The following CERS5 variants were observed in gnomAD, a reference collection of about 807,000 sequenced individuals.
The protein encoded by CERS5 is LAG1 homolog, ceramide synthase 5.
In CERS5, 37 loss-of-function variants were observed where a neutral mutation model predicts 58.9. The observed-to-expected ratio is 0.63, with a 90% CI of 0.48 to 0.83. The LOEUF (loss-of-function observed/expected upper bound fraction) is 0.83. CERS5 is among the 40% of genes least tolerant of loss of function. The pLI, the probability that CERS5 is intolerant of heterozygous loss-of-function variation, is 0.00. For synonymous variants in CERS5, 147 were observed against 177.8 expected, an observed-to-expected ratio of 0.83 and a Z score of 1.38; for missense variants, 398 against 489.3, an observed-to-expected ratio of 0.81 and a Z score of 1.76.
intron 1 of CERS5, among the ~76,000 whole-genome samples, chr12:50,161,425 T>A (rs916098754): frequency 6.6e-6 from 1 of 152,154 alleles, no homozygotes; most frequent in Non-Finnish European, 1.5e-5. Context: ...ATAGAGACTA[T>A]GTATCTAGGC....
intron 9 of CERS5, chr12:50,133,469 A>G: frequency 1.0e-6 from 1 of 995,428 alleles, no homozygotes; most frequent in South Asian, 4.5e-5. Flanking sequence ...AGTTCCTTAT[A>G]TAAACCATAT....
Position 50,135,309 on chromosome 12 carries a change from GT to G in CERS5, c.872+422del, listed in dbSNP as rs1379335619. 52 of 10,544 alleles carry G rather than the reference GT, an allele frequency of 4.9e-3. 1 individual carries two copies. The East Asian group carries it at 0.16, about 32-fold the overall frequency. 0.7% of individuals were successfully genotyped at this position (10,544 alleles called of 1,614,324 possible). A position where few individuals can be genotyped will look rare whatever the true frequency, so the allele number is the denominator to read the frequency against. The stretch of plus-strand genomic sequence containing the variant: ...GAGAGGGAGGAAGAGAGAGAGAGGA[GT>G]GTGTGTGTGTGTGTGTGTGTGTGTG... On this transcript the variant is annotated intron_variant, in intron 8 of 9. Transcript: ENST00000317551.
intron 1 of CERS5, among the ~76,000 whole-genome samples, chr12:50,154,979 G>A (rs939057174): frequency 6.6e-6 from 1 of 152,094 alleles, no homozygotes; most frequent in Admixed American, 6.6e-5. Context: ...TGCCTCAGCT[G>A]CCCAAGTAGC....
chr12:50,131,484 C>T (rs958132519), intron 9 of CERS5, among the ~76,000 whole-genome samples: 4 of 146,802 alleles, frequency 2.7e-5, no homozygotes, highest in African/African-American at 5.0e-5. Context: ...TCTTGAACCC[C>T]GGAGGTGGAG....
At chr12:50,161,784 G>GAAAAAAAAAAAAAAAAAAAAAAAAAAAA (rs374177550) in intron 1 of CERS5, among the ~76,000 whole-genome samples, 3 of 90,884 alleles carry the variant, frequency 3.3e-5, no homozygotes, top group Non-Finnish European at 1.9e-5. Flanking sequence ...CTCAAAAAAA[G>GAAAAAAAAAAAAAAAAAAAAAAAAAAAA]AAAAAAAAAA....
intron 1 of CERS5, chr12:50,154,021 C>T (rs1293119787): frequency 2.3e-5 from 6 of 264,752 alleles, no homozygotes; most frequent in Non-Finnish European, 7.7e-6. Context: ...ATGAAAAGCT[C>T]ATTAATATGG....
intron 1 of CERS5, among the ~76,000 whole-genome samples, chr12:50,156,263 G>T (rs1938604810): frequency 2.0e-5 from 3 of 149,552 alleles, no homozygotes; most frequent in Admixed American, 1.3e-4. Context: ...AATTAGCCGG[G>T]TGTGGCAGCG....
At chr12:50,141,744 GC>G (rs1951978958) in intron 4 of CERS5, among the ~76,000 whole-genome samples, 1 of 151,902 alleles carries the variant, frequency 6.6e-6, no homozygotes, top group African/African-American at 2.4e-5. Context: ...TTCAAGACCA[GC>G]CTGGCCAACA....
At chr12:50,152,638 G>A (rs1254608695) in intron 1 of CERS5, among the ~76,000 whole-genome samples, 4 of 152,086 alleles carry the variant, frequency 2.6e-5, no homozygotes, top group Non-Finnish European at 5.9e-5. Flanking sequence ...CAAAGTATAT[G>A]GCTCCCAAGG....
intron 9 of CERS5, chr12:50,133,177 A>G (rs1403225473): frequency 3.3e-6 from 4 of 1,205,848 alleles, no homozygotes; most frequent in Non-Finnish European, 3.2e-6. Flanking sequence ...ATAATGATGC[A>G]GGAGATCATC....
intron 9 of CERS5, chr12:50,133,221 G>A: frequency 8.7e-7 from 1 of 1,149,876 alleles, no homozygotes; most frequent in Non-Finnish European, 1.1e-6. Flanking sequence ...CTTGGTCCTA[G>A]TATCAGTACC....
chr12:50,142,162 T>G, intron 3 of CERS5, 52 bp from the exon 4 acceptor site: 1 of 1,280,372 alleles, frequency 7.8e-7, no homozygotes, highest in Non-Finnish European at 1.1e-6. Flanking sequence ...AACCAAAGCC[T>G]CTGAGGCTAC....
intron 1 of CERS5, among the ~76,000 whole-genome samples, chr12:50,148,946 A>ATATATATATATATATATATATATGTG (rs1420401358): frequency 1.9e-5 from 2 of 103,152 alleles, no homozygotes; most frequent in African/African-American, 4.0e-5. Flanking sequence ...ATATATATAT[A>ATATATATATATATATATATATATGTG]TGTGTGTGTG....
Position 50,167,196 on chromosome 12 carries a change from C to T in CERS5, c.102G>A (p.Gly34=). 1 of 1,606,442 alleles carries T rather than the reference C, an allele frequency of 6.2e-7. No homozygotes were observed. The highest frequency in any genetic ancestry group is 8.5e-7 in the Non-Finnish European group (1 of 1,178,000). ...GGGGGTAACCGTAGCCGTCGGCCGGCCCCTCCAGATCAGCCCAGCTCACGT... is the reference window on the plus strand; with the variant it reads ...GGGGGTAACCGTAGCCGTCGGCCGGTCCCTCCAGATCAGCCCAGCTCACGT... ...PENVSWADLE[G]PADGYGYPRG... Residue 34 remains glycine (G), a synonymous_variant, in exon 1 of 10, where the codon GGG becomes GGA. Coordinates refer to ENST00000317551, the MANE Select transcript of CERS5 (RefSeq NM_147190.5).
At chr12:50,145,661 G>A (rs1041401036) in intron 1 of CERS5, among the ~76,000 whole-genome samples, 6 of 148,306 alleles carry the variant, frequency 4.0e-5, no homozygotes, top group South Asian at 2.2e-4. Flanking sequence ...CTTTTACACC[G>A]GTGGGGGGGA....
At chr12:50,141,768 G>A (rs1400127545) in intron 4 of CERS5, among the ~76,000 whole-genome samples, 1 of 151,744 alleles carries the variant, frequency 6.6e-6, no homozygotes, top group Non-Finnish European at 1.5e-5. Context: ...GTGAAACCCC[G>A]TCTCTACTAA....
Position 50,164,699 on chromosome 12 carries a change from T to A in CERS5, c.197+2402A>T, listed in dbSNP as rs956781500. Among the ~76,000 whole-genome samples the A allele has an allele frequency of 2.0e-5, 3 of 152,134 alleles. No homozygotes were observed. In the East Asian group the frequency reaches 5.8e-4, roughly 29 times the overall value. The stretch of plus-strand genomic sequence containing the variant: ...GTACTCCTCTGACACTGGAGCACCA[T>A]AGAAACACTCAGATAGAATTCCCAC... On this transcript the variant is annotated intron_variant, in intron 1 of 9. Coordinates refer to ENST00000317551, the MANE Select transcript of CERS5 (RefSeq NM_147190.5).
At chr12:50,158,475 T>G (rs1419472696) in intron 1 of CERS5, among the ~76,000 whole-genome samples, 2 of 152,210 alleles carry the variant, frequency 1.3e-5, no homozygotes, top group Non-Finnish European at 2.9e-5. Context: ...ATCCTAAGCT[T>G]TCAATAAATA....
At chr12:50,141,217 A>G (rs1211573571) in intron 4 of CERS5, among the ~76,000 whole-genome samples, 2 of 151,966 alleles carry the variant, frequency 1.3e-5, no homozygotes, top group African/African-American at 4.8e-5. Context: ...CGCCAGGCTA[A>G]TTTTTGTAGC....
Sources: gnomAD v4.1 joint callset for allele counts (sites outside exome capture counted in the v4.1 genomes callset) on GRCh38, gnomAD v4.1.1 for gene constraint, MANE v1.5 for transcripts, NCBI Gene and HGNC (gene_info 2026-07-23, HGNC 2026-07-21) for gene names.